Variants in CLEC17A observed in about 807,000 individuals in gnomAD.
CLEC17A encodes the protein C-type lectin domain containing 17A, also known as C-type lectin domain family 17, member A.
CLEC17A carries 37 observed loss-of-function variants against 61.3 expected under a neutral mutation model. That is an observed-to-expected ratio of 0.60 (90% CI 0.46 to 0.79). The LOEUF (loss-of-function observed/expected upper bound fraction) is 0.79. Ranked by LOEUF, CLEC17A falls within the 30% of genes least tolerant of loss-of-function variation. CLEC17A has a pLI of 0.00. For synonymous variants in CLEC17A, 168 were observed against 164.9 expected, an observed-to-expected ratio of 1.02 and a Z score of -0.14; for missense variants, 418 against 464.7, an observed-to-expected ratio of 0.90 and a Z score of 0.92.
intron 10 of CLEC17A, among the ~76,000 whole-genome samples, chr19:14,598,167 C>T (rs899107787): frequency 6.6e-6 from 1 of 152,156 alleles, no homozygotes; most frequent in African/African-American, 2.4e-5. Context: ...CAAGGATCCA[C>T]ATATTAGGCT....
chr19:14,608,994 T>C (rs2074979524), intron 13 of CLEC17A, among the ~76,000 whole-genome samples: 1 of 151,982 alleles, frequency 6.6e-6, no homozygotes, highest in South Asian at 2.1e-4. Flanking sequence ...GAGACGGGGT[T>C]TCAACATGTT....
intron 10 of CLEC17A, among the ~76,000 whole-genome samples, chr19:14,598,205 T>C (rs1185612938): frequency 6.6e-6 from 1 of 152,118 alleles, no homozygotes; most frequent in African/African-American, 2.4e-5. Context: ...TCTGTAATCC[T>C]AGCACTTTGG....
intron 10 of CLEC17A, among the ~76,000 whole-genome samples, chr19:14,598,811 A>T (rs10415703): frequency 0.5 from 76,052 of 151,824 alleles, 21,322 homozygotes; most frequent in African/African-American, 0.77. Context: ...TTTTAAAAAA[A>T]TAGCCAGTCA....
intron 8 of CLEC17A, 96 bp from the exon 9 acceptor site, chr19:14,596,780 C>T: frequency 1.4e-6 from 2 of 1,411,176 alleles, no homozygotes; most frequent in Non-Finnish European, 1.9e-6. Context: ...TGACTACAGA[C>T]TTCTGCCCCC....
At chr19:14,582,322 C>A (rs187587479), upstream of CLEC17A, among the ~76,000 whole-genome samples, 26 of 151,618 alleles carry the variant, frequency 1.7e-4, no homozygotes, top group African/African-American at 6.1e-4. Flanking sequence ...ACGCCATTCT[C>A]CTCCCTCAGC....
At chr19:14,598,051 C>T (rs552056763) in intron 10 of CLEC17A, among the ~76,000 whole-genome samples, 1 of 152,318 alleles carries the variant, frequency 6.6e-6, no homozygotes, top group South Asian at 2.1e-4. Context: ...CTGAATATTT[C>T]TCCATTCCAC....
chr19:14,592,944 G>A (rs2074457182), intron 4 of CLEC17A, among the ~76,000 whole-genome samples: 3 of 152,102 alleles, frequency 2.0e-5, no homozygotes, highest in Admixed American at 1.3e-4. Context: ...GGGATTACAG[G>A]TGTGAGCCAC....
At position 14,583,528 on chromosome 19, in the gene CLEC17A, C is replaced by T. The variant is rs1295344429; in HGVS notation, c.121+94C>T. The T allele has an allele frequency of 2.5e-6, 4 of 1,570,896 alleles. No homozygotes were observed. The Admixed American group carries it at 7.6e-5, about 30-fold the overall frequency. The stretch of plus-strand genomic sequence containing the variant: ...GGCATTGTAGACACATAGTCAGTCT[C>T]CTCTGTATCCAGCCCATGCCGGGCA... On this transcript the variant is annotated intron_variant, in intron 2 of 13. Transcript: ENST00000417570.
chr19:14,610,044 C>G lies in CLEC17A; in HGVS notation c.1005-20C>G, dbSNP rs778209513. 3 of 1,597,642 alleles carry G rather than the reference C, an allele frequency of 1.9e-6. 1 individual carries two copies. ...ACCCTAAAGATCCCTGTCCCTCTGC[C>G]CACTTTTTCCTCCATCCAGCTTCTG... On this transcript the variant is annotated intron_variant, in intron 13 of 13. Coordinates refer to ENST00000417570, the MANE Select transcript of CLEC17A (RefSeq NM_001204118.2).
intron 10 of CLEC17A, among the ~76,000 whole-genome samples, chr19:14,597,966 G>A (rs961847450): frequency 1.3e-5 from 2 of 152,140 alleles, no homozygotes; most frequent in Non-Finnish European, 2.9e-5. Flanking sequence ...GTTCGTGGGG[G>A]AGTAGTGATA....
At chr19:14,586,347 C>T (rs1330343729) in intron 2 of CLEC17A, among the ~76,000 whole-genome samples, 1 of 152,140 alleles carries the variant, frequency 6.6e-6, no homozygotes, top group African/African-American at 2.4e-5. Flanking sequence ...TGGTCTCGAA[C>T]TCCCGACCTC....
At chr19:14,596,355 T>C (rs8106377) in intron 8 of CLEC17A, among the ~76,000 whole-genome samples, 9,667 of 152,176 alleles carry the variant, frequency 0.064, 1,038 homozygotes, top group African/African-American at 0.22. Flanking sequence ...GTAGGTTGGG[T>C]ACAGTGGCTT....
intron 2 of CLEC17A, 144 bp from the exon 3 acceptor site, chr19:14,587,470 T>C (rs2074313527): frequency 1.4e-5 from 18 of 1,332,316 alleles, no homozygotes; most frequent in Non-Finnish European, 1.5e-5. Flanking sequence ...GGTAAGGCCC[T>C]GGCCAGGCTG....
chr19:14,588,313 C>A (rs1422378641), intron 3 of CLEC17A: 5 of 145,600 alleles, frequency 3.4e-5, no homozygotes, highest in African/African-American at 8.4e-5. Flanking sequence ...CATAGCAAGA[C>A]CCCATCTCTG....
rs2074297114 is a variant in CLEC17A, at chr19:14,586,955, C to G, written c.122-659C>G. ...TCAGGCTGGAGTGCAGTGGCATGAT[C>G]TCAGCTCACTGCAACCTCCACCTCC... On this transcript the variant is annotated intron_variant, in intron 2 of 13. Coordinates refer to ENST00000417570, the MANE Select transcript of CLEC17A (RefSeq NM_001204118.2). Among the ~76,000 whole-genome samples the G allele has an allele frequency of 2.0e-5, 3 of 147,846 alleles. 1 individual carries two copies. In the South Asian group the frequency reaches 6.5e-4, roughly 32 times the overall value.
At chr19:14,582,587 T>C (rs1386615986), upstream of CLEC17A, among the ~76,000 whole-genome samples, 2 of 151,868 alleles carry the variant, frequency 1.3e-5, no homozygotes, top group African/African-American at 4.8e-5. Flanking sequence ...AATTAATTAA[T>C]ATTTAATGTT....
chr19:14,605,807 T>A (rs1456571797), intron 12 of CLEC17A, among the ~76,000 whole-genome samples: 1 of 152,126 alleles, frequency 6.6e-6, no homozygotes, highest in East Asian at 1.9e-4. Flanking sequence ...GGTGCATTCA[T>A]AGCTCACTGC....
At chr19:14,592,851 G>A (rs1207547094) in intron 4 of CLEC17A, among the ~76,000 whole-genome samples, 1 of 151,950 alleles carries the variant, frequency 6.6e-6, no homozygotes, top group Non-Finnish European at 1.5e-5. Flanking sequence ...TTTTAGTAGA[G>A]ACCAGGGTTT....
At chr19:14,606,760 T>G (rs527319863) in intron 12 of CLEC17A, among the ~76,000 whole-genome samples, 46 of 151,664 alleles carry the variant, frequency 3.0e-4, no homozygotes, top group African/African-American at 9.9e-4. Flanking sequence ...GTGAGGAAAC[T>G]GAGGCACGGA....
Sources: gnomAD v4.1 joint callset for allele counts (sites outside exome capture counted in the v4.1 genomes callset) on GRCh38, gnomAD v4.1.1 for gene constraint, MANE v1.5 for transcripts, NCBI Gene and HGNC (gene_info 2026-07-23, HGNC 2026-07-21) for gene names.